Variants in IL1RAPL2 observed in about 807,000 individuals in gnomAD.
IL1RAPL2 encodes the protein X-linked interleukin-1 receptor accessory protein-like 2.
Under a neutral mutation model 44.1 loss-of-function variants are expected in IL1RAPL2, and 3 were observed. The observed-to-expected ratio is 0.07, with a 90% confidence interval of 0.03 to 0.18. The LOEUF (loss-of-function observed/expected upper bound fraction) is 0.18. IL1RAPL2 is among the 10% of genes least tolerant of loss of function. The pLI is 1.00. For missense variants in IL1RAPL2, 391 were observed against 496.4 expected, an observed-to-expected ratio of 0.79 and a Z score of 2.02; for synonymous variants, 181 against 178.8, an observed-to-expected ratio of 1.01 and a Z score of -0.10.
At chrX:104,865,032 G>T (rs1331075250) in intron 2 of IL1RAPL2, among the ~76,000 whole-genome samples, 3 of 110,232 alleles carry the variant, frequency 2.7e-5, no homozygotes, top group Non-Finnish European at 5.6e-5. Context: ...TGCATAATTG[G>T]CATAGACATA....
At chrX:104,702,557 A>G (rs1439237837) in intron 2 of IL1RAPL2, among the ~76,000 whole-genome samples, 2 of 112,309 alleles carry the variant, frequency 1.8e-5, no homozygotes, top group African/African-American at 6.5e-5. Context: ...TATTTTGTAA[A>G]TAAGGGATAA....
chrX:105,721,583 G>T (rs922136932), intron 7 of IL1RAPL2, among the ~76,000 whole-genome samples: 12 of 111,512 alleles, frequency 1.1e-4, no homozygotes, highest in Admixed American at 9.6e-5. Flanking sequence ...AAAGAAAAGT[G>T]AGGCACTGCT....
At chrX:105,749,167 C>T in intron 9 of IL1RAPL2, 64 bp downstream of exon 9, 1 of 1,084,936 alleles carries the variant, frequency 9.2e-7, no homozygotes, top group South Asian at 2.3e-5. Context: ...TGTAAGAGAA[C>T]TTCCCTATTT....
In IL1RAPL2 at chrX:104,901,199, C is replaced by CTTTTTTT. The variant is rs1194148816; in HGVS notation, c.82+242227_82+242233dup. Among the ~76,000 whole-genome samples the CTTTTTTT allele has an allele frequency of 9.7e-4, 31 of 32,119 alleles. 3 individuals carry two copies. The highest frequency in any genetic ancestry group is 3.9e-3 in the African/African-American group (29 of 7,451). 27.9% of individuals were successfully genotyped at this position (32,119 alleles called of 115,157 possible). ...AGGAGTTGGTTGCTTTCTTTTGCTTCTTTTTTTTTTTTTTTTTTTTTTTTT... is the reference window on the plus strand; with the variant it reads ...AGGAGTTGGTTGCTTTCTTTTGCTTCTTTTTTTTTTTTTTTTTTTTTTTTTTTTTTTT... On this transcript the variant is annotated intron_variant, in intron 2 of 10. Coordinates refer to ENST00000372582, the MANE Select transcript of IL1RAPL2 (RefSeq NM_017416.2).
intron 2 of IL1RAPL2, among the ~76,000 whole-genome samples, chrX:105,081,089 G>T (rs1408552568): frequency 9.0e-6 from 1 of 111,657 alleles, no homozygotes; most frequent in Non-Finnish European, 1.9e-5. Context: ...CTTTGCTGAA[G>T]TTGCTTATCA....
chrX:105,037,872 A>T (rs898188488), intron 2 of IL1RAPL2, among the ~76,000 whole-genome samples: 13 of 111,498 alleles, frequency 1.2e-4, no homozygotes, highest in African/African-American at 4.2e-4. Flanking sequence ...CTTCATTTCC[A>T]CACCTCTAAC....
At chrX:104,975,658 A>C (rs1246329900) in intron 2 of IL1RAPL2, among the ~76,000 whole-genome samples, 7 of 112,677 alleles carry the variant, frequency 6.2e-5, no homozygotes, top group Non-Finnish European at 1.3e-4. Flanking sequence ...AGAAATTGGC[A>C]TATAAGCTCC....
At chrX:104,911,460 A>G (rs1466647717) in intron 2 of IL1RAPL2, among the ~76,000 whole-genome samples, 2 of 111,103 alleles carry the variant, frequency 1.8e-5, no homozygotes, top group African/African-American at 6.5e-5. Flanking sequence ...TTTCCTGCTT[A>G]TACTCAATAT....
At chrX:105,247,940 AAAAG>A (rs952464382) in intron 4 of IL1RAPL2, among the ~76,000 whole-genome samples, 2 of 110,569 alleles carry the variant, frequency 1.8e-5, no homozygotes, top group Non-Finnish European at 3.8e-5. Context: ...TTTTTTATAA[AAAAG>A]AGAACATGCT....
intron 2 of IL1RAPL2, among the ~76,000 whole-genome samples, chrX:104,946,518 A>G (rs1297864723): frequency 1.0e-5 from 1 of 95,730 alleles, no homozygotes; most frequent in Admixed American, 1.2e-4. Flanking sequence ...GCACCCACTA[A>G]CTCATCATCT....
At chrX:104,603,736 G>C (rs1026322595) in intron 1 of IL1RAPL2, among the ~76,000 whole-genome samples, 2 of 111,427 alleles carry the variant, frequency 1.8e-5, no homozygotes, top group Non-Finnish European at 3.8e-5. Context: ...GAAATAAAGA[G>C]AAAAGACAAG....
At chrX:105,355,889 G>T (rs1318619167) in intron 5 of IL1RAPL2, among the ~76,000 whole-genome samples, 1 of 110,444 alleles carries the variant, frequency 9.1e-6, no homozygotes, top group Non-Finnish European at 1.9e-5. Flanking sequence ...GTGCATATTT[G>T]TAATAAACAT....
intron 2 of IL1RAPL2, among the ~76,000 whole-genome samples, chrX:105,031,018 G>A (rs1440322884): frequency 1.8e-5 from 2 of 110,195 alleles, no homozygotes; most frequent in Non-Finnish European, 3.8e-5. Context: ...GTGAAAGGGA[G>A]TTCACTCATG....
At chrX:104,976,832 A>G (rs150325985) in intron 2 of IL1RAPL2, among the ~76,000 whole-genome samples, 5,895 of 109,431 alleles carry the variant, frequency 0.054, 447 homozygotes, top group African/African-American at 0.19. Context: ...GGTGTTCCTC[A>G]GTAAACACAA....
At chrX:105,423,867 T>TAAAAAAAA (rs111770482) in intron 5 of IL1RAPL2, among the ~76,000 whole-genome samples, 1,840 of 85,963 alleles carry the variant, frequency 0.021, 58 homozygotes, top group African/African-American at 0.072. Context: ...TGGAAACAAG[T>TAAAAAAAA]AAAAAAAAAA....
chrX:105,223,926 C>A (rs2033990931), intron 3 of IL1RAPL2, among the ~76,000 whole-genome samples: 1 of 111,366 alleles, frequency 9.0e-6, no homozygotes, highest in Non-Finnish European at 1.9e-5. Context: ...TTTGGATTGA[C>A]AAATGCCTTT....
chrX:105,618,010 G>A (rs921386225), intron 6 of IL1RAPL2, among the ~76,000 whole-genome samples: 1 of 110,253 alleles, frequency 9.1e-6, no homozygotes, highest in Non-Finnish European at 1.9e-5. Context: ...GTCTTTCCAA[G>A]AAGGCCTTAA....
At chrX:105,155,794 G>C (rs1446899628) in intron 2 of IL1RAPL2, among the ~76,000 whole-genome samples, 2 of 111,405 alleles carry the variant, frequency 1.8e-5, no homozygotes, top group African/African-American at 6.5e-5. Context: ...AGGTTTCCTT[G>C]AGAGGCTGAA....
At chrX:105,672,429 T>C (rs1420639518) in intron 6 of IL1RAPL2, among the ~76,000 whole-genome samples, 1 of 112,224 alleles carries the variant, frequency 8.9e-6, no homozygotes, top group Non-Finnish European at 1.9e-5. Flanking sequence ...AGTTCCAGGT[T>C]CTTCCATGGT....
Sources: gnomAD v4.1 joint callset for allele counts (sites outside exome capture counted in the v4.1 genomes callset) on GRCh38, gnomAD v4.1.1 for gene constraint, MANE v1.5 for transcripts, NCBI Gene and HGNC (gene_info 2026-07-23, HGNC 2026-07-21) for gene names.